LRBA: variants seen among roughly 807,000 people sequenced by gnomAD.
LRBA encodes LPS responsive beige-like anchor protein.
LRBA carries 176 observed loss-of-function variants against 330.0 expected under a neutral mutation model. That is an observed-to-expected ratio of 0.53 (90% CI 0.47 to 0.60). The LOEUF is 0.60. Ranked by LOEUF, LRBA falls within the 20% of genes least tolerant of loss-of-function variation. LRBA has a pLI of 0.00. For synonymous variants in LRBA, 1,230 were observed against 1,193.0 expected (o/e 1.03, Z -0.64); for missense variants, 3,259 against 3,444.8 (o/e 0.95, Z 1.35).
At chr4:150,340,062 ATTC>A (rs1163855528) in intron 48 of LRBA, among the ~76,000 whole-genome samples, 1 of 152,004 alleles carries the variant, frequency 6.6e-6, no homozygotes, top group East Asian at 1.9e-4. Flanking sequence ...CTCAGCTCTC[ATTC>A]TTCTCTCTCC....
intron 42 of LRBA, among the ~76,000 whole-genome samples, chr4:150,478,035 T>C (rs1345727116): frequency 1.3e-5 from 2 of 152,148 alleles, no homozygotes; most frequent in Admixed American, 1.3e-4. Flanking sequence ...GTGTTGTTGT[T>C]TTTGGGAGGG....
chr4:150,796,931 G>C (rs893218616), intron 34 of LRBA, among the ~76,000 whole-genome samples: 15 of 151,830 alleles, frequency 9.9e-5, no homozygotes, highest in Non-Finnish European at 1.8e-4. Flanking sequence ...ATTTTATCTA[G>C]TCAGCTTTTG....
chr4:150,289,277 G>T (rs1387584255), intron 53 of LRBA, among the ~76,000 whole-genome samples: 3 of 152,050 alleles, frequency 2.0e-5, no homozygotes, highest in Admixed American at 1.3e-4. Flanking sequence ...TCACTCCACA[G>T]ATCAGAACAC....
At chr4:150,897,916 G>T in intron 14 of LRBA, 98 bp from the exon 15 acceptor site, 1 of 785,354 alleles carries the variant, frequency 1.3e-6, no homozygotes, top group Non-Finnish European at 2.1e-6. Flanking sequence ...CCATGTGTTT[G>T]TAAGAAATAT....
intron 17 of LRBA, among the ~76,000 whole-genome samples, chr4:150,880,230 A>G (rs1728207972): frequency 6.6e-6 from 1 of 152,228 alleles, no homozygotes; most frequent in Admixed American, 6.5e-5. Context: ...CTTTCACCAT[A>G]CAAAACTTGG....
intron 2 of LRBA, among the ~76,000 whole-genome samples, chr4:150,948,449 C>T (rs764451374): frequency 3.9e-5 from 6 of 151,924 alleles, no homozygotes; most frequent in Non-Finnish European, 7.4e-5. Context: ...AGTATTACAC[C>T]TTACACAAAA....
intron 37 of LRBA, among the ~76,000 whole-genome samples, chr4:150,671,142 T>C (rs1465156427): frequency 6.6e-6 from 1 of 152,048 alleles, no homozygotes; most frequent in African/African-American, 2.4e-5. Context: ...CTTTCATTGC[T>C]TGTACTCTGT....
intron 37 of LRBA, among the ~76,000 whole-genome samples, chr4:150,662,310 G>T (rs968311133): frequency 6.6e-6 from 1 of 152,170 alleles, no homozygotes; most frequent in African/African-American, 2.4e-5. Context: ...GAGGATGACA[G>T]GTATTTCGCA....
intron 56 of LRBA, among the ~76,000 whole-genome samples, chr4:150,266,403 A>G (rs538513677): frequency 6.6e-6 from 1 of 152,346 alleles, no homozygotes; most frequent in Non-Finnish European, 1.5e-5. Flanking sequence ...ACTCACCGAA[A>G]TCACTGAAGA....
intron 34 of LRBA, among the ~76,000 whole-genome samples, chr4:150,788,679 T>A (rs1739444202): frequency 1.3e-5 from 2 of 151,360 alleles, no homozygotes; most frequent in Admixed American, 1.3e-4. Flanking sequence ...GAGAATCACT[T>A]GAACCTGGGA....
At chr4:150,566,720 C>A (rs1277522863) in intron 40 of LRBA, among the ~76,000 whole-genome samples, 1 of 152,038 alleles carries the variant, frequency 6.6e-6, no homozygotes, top group Non-Finnish European at 1.5e-5. Flanking sequence ...TATCTGTATA[C>A]TTTGACTGTA....
At chr4:150,685,384 T>C (rs1783452174) in intron 36 of LRBA, among the ~76,000 whole-genome samples, 1 of 52,694 alleles carries the variant, frequency 1.9e-5, no homozygotes, top group Non-Finnish European at 3.4e-5. Context: ...GCATAAGGAA[T>C]CAAATATATA....
chr4:150,685,699 T>G (rs1439574352), intron 36 of LRBA, among the ~76,000 whole-genome samples: 1 of 151,484 alleles, frequency 6.6e-6, no homozygotes, highest in Non-Finnish European at 1.5e-5. Flanking sequence ...CCTCCAAAAG[T>G]GCTGCGATTA....
chr4:150,672,115 C>G (rs1320278571), intron 37 of LRBA, among the ~76,000 whole-genome samples: 1 of 152,118 alleles, frequency 6.6e-6, no homozygotes, highest in Non-Finnish European at 1.5e-5. Context: ...ACTATTTAAA[C>G]ACAGTGATTT....
At chr4:150,588,408 G>C (rs1346357200) in intron 39 of LRBA, among the ~76,000 whole-genome samples, 2 of 152,174 alleles carry the variant, frequency 1.3e-5, no homozygotes, top group Non-Finnish European at 2.9e-5. Context: ...AATGATAACA[G>C]TAAACTAGGA....
chr4:150,499,973 A>C (rs1386317079), intron 40 of LRBA, among the ~76,000 whole-genome samples: 1 of 152,100 alleles, frequency 6.6e-6, no homozygotes, highest in East Asian at 1.9e-4. Flanking sequence ...GGTGGGAAGC[A>C]AGGAACATGG....
intron 5 of LRBA, among the ~76,000 whole-genome samples, chr4:150,917,550 A>T (rs951812368): frequency 6.6e-6 from 1 of 152,216 alleles, no homozygotes; most frequent in Non-Finnish European, 1.5e-5. Context: ...TCAATATACA[A>T]ATGGCTTTAC....
intron 37 of LRBA, among the ~76,000 whole-genome samples, chr4:150,636,756 TTCTGCCTCAGCCTCCCAA>T (rs1395002200): frequency 3.3e-5 from 5 of 152,316 alleles, no homozygotes; most frequent in African/African-American, 9.6e-5. Context: ...CAAGCGATCC[TTCTGCCTCAGCCTCCCAA>T]GTAATTGGCA....
At chr4:150,830,357 T>C (rs1416520967) in intron 29 of LRBA, among the ~76,000 whole-genome samples, 3 of 152,124 alleles carry the variant, frequency 2.0e-5, no homozygotes, top group Non-Finnish European at 4.4e-5. Context: ...AAAGAACATG[T>C]AGAGAGACGA....
Sources: allele counts gnomAD v4.1 joint callset (sites outside exome capture counted in the v4.1 genomes callset), GRCh38; gene constraint gnomAD v4.1.1; transcripts MANE v1.5; gene names NCBI Gene and HGNC (gene_info 2026-07-23, HGNC 2026-07-21).